The following MYT1L variants were observed in gnomAD, a reference collection of about 807,000 sequenced individuals.
The protein encoded by MYT1L is myelin transcription factor 1-like protein.
A neutral mutation model predicts 126.7 loss-of-function variants in MYT1L; 12 were observed. The observed-to-expected ratio is 0.09, with a 90% CI of 0.06 to 0.15. MYT1L has a LOEUF of 0.15. Among genes scored for constraint, MYT1L ranks in the 10% least tolerant of loss-of-function variants. The pLI is 1.00. For synonymous variants in MYT1L, 541 were observed against 604.2 expected, an observed-to-expected ratio of 0.90 and a Z score of 1.53; for missense variants, 979 against 1,585.2, an observed-to-expected ratio of 0.62 and a Z score of 6.49.
intron 2 of MYT1L, among the ~76,000 whole-genome samples, chr2:2,274,490 C>T (rs1340261769): frequency 6.6e-6 from 1 of 151,800 alleles, no homozygotes; most frequent in African/African-American, 2.4e-5. Context: ...AATAAAGGGA[C>T]ATTCTTAATC....
chr2:2,154,989 T>C (rs901693341), intron 3 of MYT1L, among the ~76,000 whole-genome samples: 1 of 152,056 alleles, frequency 6.6e-6, no homozygotes, highest in African/African-American at 2.4e-5. Flanking sequence ...TAGCCAGGCA[T>C]GGTGGTGCAT....
intron 3 of MYT1L, among the ~76,000 whole-genome samples, chr2:2,136,997 G>A (rs1171204819): frequency 2.0e-5 from 3 of 152,128 alleles, no homozygotes; most frequent in African/African-American, 4.8e-5. Flanking sequence ...AAAGTCTCAG[G>A]ATACAAAATC....
At chr2:2,124,468 G>T (rs537773156) in intron 3 of MYT1L, among the ~76,000 whole-genome samples, 4 of 151,894 alleles carry the variant, frequency 2.6e-5, no homozygotes, top group South Asian at 2.1e-4. Context: ...GCTGATTTTG[G>T]TATTTTTAGT....
intron 9 of MYT1L, among the ~76,000 whole-genome samples, chr2:1,937,209 A>AC (rs1225663388): frequency 6.6e-6 from 1 of 151,782 alleles, no homozygotes. Context: ...GACTCCCCTG[A>AC]CCCCCACATC....
chr2:2,203,250 T>A (rs1245611150), intron 2 of MYT1L, among the ~76,000 whole-genome samples: 1 of 148,780 alleles, frequency 6.7e-6, no homozygotes, highest in Non-Finnish European at 1.5e-5. Flanking sequence ...CTATTCAACA[T>A]AGTGTTGGAA....
At chr2:2,219,230 C>T (rs949006203) in intron 2 of MYT1L, among the ~76,000 whole-genome samples, 1 of 152,120 alleles carries the variant, frequency 6.6e-6, no homozygotes, top group Non-Finnish European at 1.5e-5. Flanking sequence ...CAGAAGCGCT[C>T]CATTTAGTCA....
At chr2:1,803,403 G>T (rs544270796) in intron 22 of MYT1L, among the ~76,000 whole-genome samples, 3 of 152,254 alleles carry the variant, frequency 2.0e-5, no homozygotes, top group South Asian at 2.1e-4. Flanking sequence ...ATCCCATCTC[G>T]CAGAGGCCTT....
intron 4 of MYT1L, among the ~76,000 whole-genome samples, chr2:2,006,051 C>T (rs542104979): frequency 6.6e-6 from 1 of 150,384 alleles, no homozygotes; most frequent in Non-Finnish European, 1.5e-5. Flanking sequence ...TTCTTTCCTG[C>T]ATGCATTCTT....
intron 5 of MYT1L, among the ~76,000 whole-genome samples, chr2:1,995,700 G>A (rs927696506): frequency 1.7e-4 from 26 of 152,162 alleles, no homozygotes; most frequent in African/African-American, 6.0e-4. Context: ...GTTCCCGGGT[G>A]ATGGGCGTGG....
chr2:2,292,601 G>A (rs1490933224), intron 1 of MYT1L, among the ~76,000 whole-genome samples: 1 of 152,124 alleles, frequency 6.6e-6, no homozygotes, highest in Non-Finnish European at 1.5e-5. Flanking sequence ...GGGCCCTGCC[G>A]GGACAGGTGC....
rs1268235335 is a variant in MYT1L, at chr2:1,956,400, G to GTCTATCTA, written c.153-13067_153-13066insTAGATAGA. The stretch of plus-strand genomic sequence containing the variant: ...TCTATATTTCCTATTCTTTCTATCT[G>GTCTATCTA]TCTGTCTATCTATCTATCTATCTAT... On this transcript the variant is annotated intron_variant, in intron 8 of 24. Transcript: ENST00000647738. Among the ~76,000 whole-genome samples the GTCTATCTA allele has an allele frequency of 6.0e-3, 350 of 58,070 alleles. 44 individuals are homozygous for GTCTATCTA. The highest frequency in any genetic ancestry group is 5.8e-3 in the Non-Finnish European group (191 of 33,088). 38.1% of individuals were successfully genotyped at this position (58,070 alleles called of 152,430 possible).
At chr2:2,016,393 A>G (rs1196522510) in intron 4 of MYT1L, among the ~76,000 whole-genome samples, 1 of 152,202 alleles carries the variant, frequency 6.6e-6, no homozygotes, top group Non-Finnish European at 1.5e-5. Context: ...CCTCCTGCCT[A>G]TTAAGCCACC....
intron 2 of MYT1L, among the ~76,000 whole-genome samples, chr2:2,180,372 A>C (rs1374758870): frequency 6.6e-6 from 1 of 152,118 alleles, no homozygotes; most frequent in Non-Finnish European, 1.5e-5. Flanking sequence ...TAAAAAAAAA[A>C]AAAACAACAA....
chr2:2,312,847 T>A (rs1182246295), intron 1 of MYT1L, among the ~76,000 whole-genome samples: 1 of 150,966 alleles, frequency 6.6e-6, no homozygotes, highest in Non-Finnish European at 1.5e-5. Context: ...TGTGGAGAAA[T>A]GGGAAGAAAG....
intron 19 of MYT1L, chr2:1,842,789 A>G (rs1216072752): frequency 6.4e-6 from 1 of 156,256 alleles, no homozygotes; most frequent in Non-Finnish European, 1.4e-5. Context: ...AGTCCAGCAG[A>G]CCGGGTGCGT....
At chr2:2,245,529 G>C (rs2094518340) in intron 2 of MYT1L, among the ~76,000 whole-genome samples, 1 of 152,082 alleles carries the variant, frequency 6.6e-6, no homozygotes, top group South Asian at 2.1e-4. Context: ...AAAGTGTAAT[G>C]ACAAAAGAAG....
At chr2:2,112,919 A>T (rs2147770787) in intron 3 of MYT1L, among the ~76,000 whole-genome samples, 1 of 152,276 alleles carries the variant, frequency 6.6e-6, no homozygotes, top group Non-Finnish European at 1.5e-5. Context: ...TGTAATGCTG[A>T]TCTCCTCTGC....
At chr2:2,256,711 G>T (rs1350649019) in intron 2 of MYT1L, among the ~76,000 whole-genome samples, 1 of 152,170 alleles carries the variant, frequency 6.6e-6, no homozygotes, top group Non-Finnish European at 1.5e-5. Context: ...TTTTAAAAGC[G>T]AGAGCACTAA....
chr2:2,097,744 G>C (rs2077598188), intron 3 of MYT1L, among the ~76,000 whole-genome samples: 1 of 152,102 alleles, frequency 6.6e-6, no homozygotes, highest in South Asian at 2.1e-4. Context: ...GGTACTCATC[G>C]GGTATATGAT....
Sources: gnomAD v4.1 joint callset for allele counts (sites outside exome capture counted in the v4.1 genomes callset) on GRCh38, gnomAD v4.1.1 for gene constraint, MANE v1.5 for transcripts, NCBI Gene and HGNC (gene_info 2026-07-23, HGNC 2026-07-21) for gene names.